The following ALS2CL variants were observed in gnomAD, a reference collection of about 807,000 sequenced individuals.
The protein encoded by ALS2CL is ALS2 C-terminal like.
ALS2CL carries 112 observed loss-of-function variants against 127.9 expected under a neutral mutation model. The ratio of observed to expected loss-of-function variants is 0.88; its 90% confidence interval spans 0.75 to 1.02. The LOEUF is 1.02. Ranked by LOEUF, ALS2CL falls within the 50% of genes least tolerant of loss-of-function variation. The probability of loss-of-function intolerance (pLI) is 0.00; values close to 1 mark genes in which losing one functional copy is unlikely to be tolerated. For missense variants in ALS2CL, 1,174 were observed against 1,236.7 expected (o/e 0.95, Z 0.76); for synonymous variants, 519 against 527.6 (o/e 0.98, Z 0.22).
chr3:46,688,025 C>A (rs767216426), intron 3 of ALS2CL, 73 bp downstream of exon 3: 2 of 1,554,230 alleles, frequency 1.3e-6, no homozygotes, highest in Admixed American at 1.7e-5. Flanking sequence ...AGCCCCAACC[C>A]CAGGTGAACC....
Position 46,686,874 on chromosome 3 carries a change from T to G in ALS2CL, c.534+109A>C. ...ACCCTCTCCCACCTGCCGGCATGGC[T>G]GAGTCCTTCTTGTACTAGGGTTCCT... On this transcript the variant is annotated intron_variant, in intron 5 of 25. Coordinates refer to ENST00000318962, the MANE Select transcript of ALS2CL (RefSeq NM_147129.5). This position sits in a 1 kb window ranked among gnomAD's most constrained non-coding sequence, Gnocchi z 4.3. 4 of 1,282,470 alleles carry G rather than the reference T, an allele frequency of 3.1e-6. No homozygotes were observed. Among genetic ancestry groups the G allele is most frequent in the African/African-American group, 1.5e-5 (1 of 66,274 alleles). 79.4% of individuals were successfully genotyped at this position (1,282,470 alleles called of 1,614,324 possible).
chr3:46,687,044 A>G lies in ALS2CL; in HGVS notation c.473T>C (p.Leu158Pro). ...CACGTACTGTTGCACGTGATGGGCG[A>G]GTGGCTGGTGGAGGGCCTGGCCCAG... ...ASLGQALHQP[L>P]AHHVQQYVLL... Residue 158 changes from leucine to proline, a missense_variant, in exon 5 of 26, where the codon CTC becomes CCC. Transcript: ENST00000318962. 3.1e-6 allele frequency: 5 copies of G among 1,604,066 alleles called. No homozygotes were observed. The highest frequency in any genetic ancestry group is 4.2e-6 in the Non-Finnish European group (5 of 1,178,940).
chr3:46,679,543 T>G (rs1039026047), intron 14 of ALS2CL: 12 of 268,262 alleles, frequency 4.5e-5, no homozygotes, highest in Non-Finnish European at 8.4e-5. Flanking sequence ...CCCAGCGGCT[T>G]CTTCAGGAAG....
intron 15 of ALS2CL, 119 bp from the exon 16 acceptor site, chr3:46,678,508 T>C: frequency 7.6e-7 from 1 of 1,313,962 alleles, no homozygotes; most frequent in Non-Finnish European, 1.0e-6. Context: ...TGAATGGGCT[T>C]CCCGCCATCC....
intron 18 of ALS2CL, 104 bp from the exon 19 acceptor site, chr3:46,676,506 C>T (rs1698834343): frequency 1.3e-6 from 2 of 1,558,850 alleles, no homozygotes; most frequent in Non-Finnish European, 1.8e-6. Flanking sequence ...TACACGAGAA[C>T]ACTGAGGTCC....
At chr3:46,676,210 A>C in intron 19 of ALS2CL, 35 bp downstream of exon 19, 1 of 1,599,086 alleles carries the variant, frequency 6.3e-7, no homozygotes, top group Non-Finnish European at 8.5e-7. Context: ...CTAGTGTCAC[A>C]GGGCAGTAGC....
chr3:46,676,582 C>T (rs772422378), intron 18 of ALS2CL, 60 bp downstream of exon 18: 19 of 1,583,274 alleles, frequency 1.2e-5, no homozygotes, highest in East Asian at 2.2e-5. Flanking sequence ...AAATGGGAGC[C>T]CTTCCCCACC....
chr3:46,680,498 C>T lies in ALS2CL; in HGVS notation c.1480G>A (p.Gly494Ser), dbSNP rs140756490. Residue 494 changes from glycine (G) to serine (S), a missense_variant, in exon 14 of 26, where the codon GGC becomes AGC. Coordinates refer to ENST00000318962, the MANE Select transcript of ALS2CL (RefSeq NM_147129.5). ...GCCTGGGTGACCATGACCCCTGGGC[C>T]GTGGCGCTGACCAGCCTGCCACATG... ...IGMWQAGQRH[G>S]PGVMVTQAGV... 1.8e-4 allele frequency: 297 copies of T among 1,613,042 alleles called. 2 individuals carry two copies. Among genetic ancestry groups the T allele is most frequent in the Non-Finnish European group, 2.3e-4 (272 of 1,180,010 alleles).
Position 46,680,433 on chromosome 3 carries a change from C to T in ALS2CL, c.1545G>A (p.Thr515=), listed in dbSNP as rs771704788. Residue 515 remains threonine, a synonymous_variant, in exon 14 of 26, where the codon ACG becomes ACA. Transcript: ENST00000318962. ...GCCCAGGATACACTCCACTCACCACCGTCTTGTCCGCCTGGAAGGTGCCCT... is the reference window on the plus strand; with the variant it reads ...GCCCAGGATACACTCCACTCACCACTGTCTTGTCCGCCTGGAAGGTGCCCT... ...CYQGTFQADK[T]VGPGILLSED... is the part of the protein sequence containing the mutation. The T allele has an allele frequency of 1.2e-6, 2 of 1,612,932 alleles. No individual in the cohort carries two copies. Among genetic ancestry groups the T allele is most frequent in the South Asian group, 1.1e-5 (1 of 91,076 alleles).
At chr3:46,688,885 G>A (rs1699978628) in intron 2 of ALS2CL, among the ~76,000 whole-genome samples, 1 of 152,194 alleles carries the variant, frequency 6.6e-6, no homozygotes, top group African/African-American at 2.4e-5. Context: ...GTACAGCCTG[G>A]TCTGGGCTAC....
At chr3:46,675,250 T>C (rs187378783) in intron 20 of ALS2CL, 172 of 234,548 alleles carry the variant, frequency 7.3e-4, no homozygotes, top group African/African-American at 3.4e-3. Context: ...ACAAATTTCA[T>C]GCCCACCTAA....
rs916856327 is a variant in ALS2CL at position 46,672,210 on chromosome 3, T to C, written c.2473-9A>G. 6.2e-7 allele frequency: 1 copy of C among 1,613,974 alleles called. No homozygotes were observed. The highest frequency in any genetic ancestry group is 8.5e-7 in the Non-Finnish European group (1 of 1,179,992). On this transcript the variant is annotated splice_polypyrimidine_tract_variant and intron_variant, in intron 22 of 25. Transcript: ENST00000318962. ...CTGACCAGGGAGTACCTCTGCATGG[T>C]GGAGGGAGTGGGCTGGATGAGGCCA...
chr3:46,688,992 G>C (rs939755955), intron 2 of ALS2CL, among the ~76,000 whole-genome samples: 2 of 152,202 alleles, frequency 1.3e-5, no homozygotes, highest in Non-Finnish European at 1.5e-5. Flanking sequence ...CAATTTGAGA[G>C]GCTGAGGCGG....
chr3:46,680,526 A>C lies in ALS2CL; in HGVS notation c.1452T>G (p.Ile484Met), dbSNP rs761298410. The C allele has an allele frequency of 1.9e-6, 3 of 1,612,472 alleles. No individual in the cohort carries two copies. The highest frequency in any genetic ancestry group is 2.5e-6 in the Non-Finnish European group (3 of 1,179,934). ...EEDGDRGERY[I>M]GMWQAGQRHG... ...GGCGCTGACCAGCCTGCCACATGCC[A>C]ATGTAGCGCTCACCTCTGGAAGGAG... Residue 484 changes from isoleucine (I) to methionine (M), a missense_variant, in exon 14 of 26, where the codon ATT becomes ATG. Coordinates refer to ENST00000318962, the MANE Select transcript of ALS2CL (RefSeq NM_147129.5).
chr3:46,672,236 T>C (rs1253394384), intron 22 of ALS2CL, 35 bp from the exon 23 acceptor site: 2 of 1,612,186 alleles, frequency 1.2e-6, no homozygotes, highest in Non-Finnish European at 8.5e-7. Flanking sequence ...GATGAGGCCA[T>C]GGCCCCCCAG....
chr3:46,691,077 G>A lies in ALS2CL; in HGVS notation c.-25-1612C>T, dbSNP rs1700121442. Among the ~76,000 whole-genome samples, 3 of 152,182 alleles carry A rather than the reference G, an allele frequency of 2.0e-5. No homozygotes were observed. The South Asian group carries it at 6.2e-4, about 31-fold the overall frequency. ...CTGTGCTGCAGCTTCTTCTCCCTCT[G>A]TGGGCCCCTGAGGCAGACCCAGGCC... On this transcript the variant is annotated intron_variant, in intron 1 of 25. Transcript: ENST00000318962.
intron 19 of ALS2CL, 164 bp from the exon 20 acceptor site, chr3:46,675,850 G>T: frequency 6.9e-7 from 1 of 1,458,132 alleles, no homozygotes; most frequent in South Asian, 1.4e-5. Context: ...GGAGCTCCAG[G>T]ATGTTAGCCT....
At chr3:46,676,789 C>T (rs764738342) in intron 17 of ALS2CL, 51 bp from the exon 18 acceptor site, 2 of 1,608,484 alleles carry the variant, frequency 1.2e-6, no homozygotes, top group Admixed American at 1.7e-5. Context: ...CAGCCCCCTC[C>T]CCCCAGGAAG....
At chr3:46,680,609 T>C in intron 13 of ALS2CL, 68 bp from the exon 14 acceptor site, 1 of 1,445,556 alleles carries the variant, frequency 6.9e-7, no homozygotes, top group Non-Finnish European at 9.6e-7. Context: ...GGCACTCTGC[T>C]GGCACGGGGC....
Sources: allele counts gnomAD v4.1 joint callset (sites outside exome capture counted in the v4.1 genomes callset), GRCh38; gene constraint gnomAD v4.1.1; non-coding constraint Gnocchi (gnomAD v3.1); transcripts MANE v1.5; gene names NCBI Gene and HGNC (gene_info 2026-07-23, HGNC 2026-07-21).